Variants in MAG observed in about 807,000 individuals in gnomAD.
The protein encoded by MAG is myelin-associated glycoprotein.
In MAG, 30 loss-of-function variants were observed where a neutral mutation model predicts 60.7. That is an observed-to-expected ratio of 0.49 (90% CI 0.37 to 0.67). MAG has a LOEUF of 0.67. Among genes scored for constraint, MAG ranks in the 30% least tolerant of loss-of-function variants. MAG has a pLI of 0.00. For missense variants in MAG, 795 were observed against 851.7 expected, an observed-to-expected ratio of 0.93 and a Z score of 0.83; for synonymous variants, 384 against 376.8, an observed-to-expected ratio of 1.02 and a Z score of -0.22.
intron 4 of MAG, 33 bp from the exon 5 acceptor site, chr19:35,299,521 T>C (rs762224458): frequency 2.0e-5 from 30 of 1,506,248 alleles, no homozygotes; most frequent in Non-Finnish European, 2.6e-5. Context: ...CCAGTGCTGC[T>C]TTCTCAGCCC....
Position 35,295,916 on chromosome 19 carries a change from TC to T in MAG, c.352del (p.Arg118ValfsTer55). The stretch of plus-strand genomic sequence containing the variant: ...CCCGAGCTGGGCGGGAAGTACTACT[TC>T]CGTGGGGACCTGGGCGGCTACAACC... ...VSPELGGKYY[F>X]RGDLGGYNQY... On this transcript the variant is annotated frameshift_variant, in exon 4 of 11. Coordinates refer to ENST00000392213, the MANE Select transcript of MAG (RefSeq NM_002361.4). LOFTEE classifies it high-confidence loss of function. The surrounding 1 kb of genome is among the most constrained non-coding windows in gnomAD (Gnocchi z 5.8). 1 of 1,613,768 alleles carries T rather than the reference TC, an allele frequency of 6.2e-7. No individual in the cohort carries two copies. Among genetic ancestry groups the T allele is most frequent in the South Asian group, 1.1e-5 (1 of 91,046 alleles).
At position 35,312,036 on chromosome 19, in the gene MAG, G is replaced by C; in HGVS notation, c.1716+19G>C. 1 of 1,604,842 alleles carries C rather than the reference G, an allele frequency of 6.2e-7. No individual in the cohort carries two copies. Among genetic ancestry groups the C allele is most frequent in the Non-Finnish European group, 8.5e-7 (1 of 1,174,088 alleles). The stretch of plus-strand genomic sequence containing the variant: ...GTACGAGGTAAGGACCAGGCTCCAG[G>C]CTGGCCTGGGAACCTGGATGCCAGG... On this transcript the variant is annotated intron_variant, in intron 10 of 10. Coordinates refer to ENST00000392213, the MANE Select transcript of MAG (RefSeq NM_002361.4).
In MAG at chr19:35,294,891, C is replaced by CCA. The variant is rs375677401; in HGVS notation, c.-23-493_-23-492dup. 3.7e-3 allele frequency among the ~76,000 whole-genome samples: 566 copies of CCA among 152,264 alleles called. 3 individuals carry two copies. Among genetic ancestry groups the CCA allele is most frequent in the African/African-American group, 0.013 (546 of 41,536 alleles). ...CAGATTGAAGCTGCAGTTGAGTGAGCCACGATTGCACCACTGCATTCCAGG... is the reference window on the plus strand; with the variant it reads ...CAGATTGAAGCTGCAGTTGAGTGAGCCACACGATTGCACCACTGCATTCCAGG... On this transcript the variant is annotated intron_variant, in intron 2 of 10. Coordinates refer to ENST00000392213, the MANE Select transcript of MAG (RefSeq NM_002361.4).
At chr19:35,309,125 C>T (rs1016715027) in intron 7 of MAG, among the ~76,000 whole-genome samples, 3 of 152,124 alleles carry the variant, frequency 2.0e-5, no homozygotes, top group Non-Finnish European at 2.9e-5. Flanking sequence ...AGAAACGGCC[C>T]GTCCCTGTGA....
chr19:35,300,243 T>C lies in MAG; in HGVS notation c.809T>C (p.Leu270Pro). The part of the protein sequence containing the change: ...LCGADSNPPP[L>P]LTWMRDGTVL... ...GGGGCTGACAGCAACCCCCCGCCGC[T>C]GCTGACCTGGATGCGGGACGGGACA... Residue 270 changes from leucine (L) to proline (P), a missense_variant, in exon 6 of 11, where the codon CTG becomes CCG. Leu to Pro is a moderately conservative substitution (Grantham distance 98). Transcript: ENST00000392213. The C allele has an allele frequency of 6.3e-7, 1 of 1,591,568 alleles. No individual in the cohort carries two copies. The highest frequency in any genetic ancestry group is 8.5e-7 in the Non-Finnish European group (1 of 1,171,398).
In MAG at chr19:35,311,963, T is replaced by C. The variant is rs983693393; in HGVS notation, c.1662T>C (p.Pro554=). The change falls in exon 10 of 11, where the codon CCT becomes CCC. Residue 554 remains proline (P), a synonymous_variant. Transcript: ENST00000392213. ...CCAGCTTCTCGGCAGGGGACAACCC[T>C]CCCGTCCTGTTCAGCAGCGACTTCC... ...ESPSFSAGDN[P]PVLFSSDFRI... 2.5e-6 allele frequency: 4 copies of C among 1,613,280 alleles called. No individual in the cohort carries two copies. Among genetic ancestry groups the C allele is most frequent in the Non-Finnish European group, 3.4e-6 (4 of 1,179,698 alleles).
intron 9 of MAG, among the ~76,000 whole-genome samples, chr19:35,311,701 C>T (rs2066528152): frequency 6.6e-6 from 1 of 152,212 alleles, no homozygotes; most frequent in Non-Finnish European, 1.5e-5. Context: ...AACGGCAGAG[C>T]TCAGGGGCCA....
chr19:35,313,566 T>C lies in MAG; in HGVS notation c.*112T>C, dbSNP rs1240516062. 38 of 1,135,654 alleles carry C rather than the reference T, an allele frequency of 3.3e-5. No individual in the cohort carries two copies. Among genetic ancestry groups the C allele is most frequent in the Non-Finnish European group, 4.4e-5 (36 of 824,448 alleles). The allele number at this position is 1,135,654 out of a possible 1,614,324, so 70.3% of individuals were successfully genotyped here. ...ATCGGGGGCTGGGGCAGGAGGGGAG[T>C]GAGGCAGGTGACAGTGAGGTCCTGG... On this transcript the variant is annotated 3_prime_UTR_variant, in exon 11 of 11. Coordinates refer to ENST00000392213, the MANE Select transcript of MAG (RefSeq NM_002361.4).
chr19:35,312,512 T>G, intron 10 of MAG: 3 of 357,900 alleles, frequency 8.4e-6, no homozygotes, highest in Non-Finnish European at 1.1e-5. Context: ...CACCGTCCTG[T>G]GTGTCCAAAT....
At chr19:35,307,627 C>A (rs1309670130) in intron 7 of MAG, among the ~76,000 whole-genome samples, 1 of 152,170 alleles carries the variant, frequency 6.6e-6, no homozygotes, top group African/African-American at 2.4e-5. Flanking sequence ...GCAGAGGTTG[C>A]AGTGAGCAGA....
rs375040363 is a variant in MAG at position 35,292,470 on chromosome 19, G to A, written c.-80+266G>A. Among the ~76,000 whole-genome samples the A allele has an allele frequency of 3.8e-3, 575 of 152,214 alleles. 3 individuals are homozygous for A. The highest frequency in any genetic ancestry group is 0.013 in the African/African-American group (553 of 41,544). On this transcript the variant is annotated intron_variant, in intron 1 of 10. Coordinates refer to ENST00000392213, the MANE Select transcript of MAG (RefSeq NM_002361.4). ...ACCCCTTGTGGGTGAAGATTTTGCA[G>A]GAGAGGTTTCCTTGGGGTTCCCGAG...
chr19:35,302,854 C>T, intron 7 of MAG, 146 bp downstream of exon 7: 1 of 941,350 alleles, frequency 1.1e-6, no homozygotes, highest in Non-Finnish European at 1.6e-6. Context: ...AAGCTGAATT[C>T]ACAGCAGGAA....
chr19:35,304,506 C>T (rs1488878118), intron 7 of MAG, among the ~76,000 whole-genome samples: 1 of 152,138 alleles, frequency 6.6e-6, no homozygotes, highest in Non-Finnish European at 1.5e-5. Flanking sequence ...GAATCCTCTA[C>T]AGCTGTTTTC....
intron 7 of MAG, among the ~76,000 whole-genome samples, chr19:35,307,099 T>C (rs994845177): frequency 5.3e-5 from 8 of 152,256 alleles, no homozygotes; most frequent in African/African-American, 1.9e-4. Flanking sequence ...TGGGGCTGTC[T>C]TGAGTGGAAG....
chr19:35,302,444 G>T lies in MAG; in HGVS notation c.971-4G>T. On this transcript the variant is annotated splice_region_variant and splice_polypyrimidine_tract_variant and intron_variant, in intron 6 of 10. Coordinates refer to ENST00000392213, the MANE Select transcript of MAG (RefSeq NM_002361.4). ...CTGACCATCAGTCCCGTCCTACCCC[G>T]CAGATGCACCCTGGAAGCCAACAGT... 1 of 1,613,916 alleles carries T rather than the reference G, an allele frequency of 6.2e-7. No homozygotes were observed. Among genetic ancestry groups the T allele is most frequent in the African/African-American group, 1.3e-5 (1 of 75,002 alleles).
Position 35,302,617 on chromosome 19 carries a change from G to T in MAG, c.1140G>T (p.Pro380=). ...IYESELQLEL[P]AVSPEDDGEY... is the part of the protein sequence containing the mutation. ...AGAGCGAGCTGCAGCTGGAGCTGCC[G>T]GCCGTGTCACCCGAGGATGATGGAG... The change falls in exon 7 of 11, where the codon CCG becomes CCT. Residue 380 remains proline, a synonymous_variant. Transcript: ENST00000392213. 1.2e-6 allele frequency: 2 copies of T among 1,614,170 alleles called. No homozygotes were observed. Among genetic ancestry groups the T allele is most frequent in the Non-Finnish European group, 1.7e-6 (2 of 1,180,038 alleles).
intron 10 of MAG, chr19:35,312,428 G>T: frequency 9.3e-7 from 1 of 1,077,218 alleles, no homozygotes. Context: ...GGTGGTCTCT[G>T]GTGATGTCCG....
intron 7 of MAG, 37 bp downstream of exon 7, chr19:35,302,745 G>A (rs575786963): frequency 4.4e-6 from 7 of 1,600,684 alleles, no homozygotes; most frequent in East Asian, 2.2e-5. Context: ...GGGGATGGAC[G>A]GTTCCGTGGG....
intron 7 of MAG, among the ~76,000 whole-genome samples, chr19:35,307,314 C>G (rs1366310049): frequency 6.6e-6 from 1 of 152,158 alleles, no homozygotes; most frequent in African/African-American, 2.4e-5. Context: ...GGTCCACCAC[C>G]GTTACCGGCA....
Sources: gnomAD v4.1 joint callset for allele counts (sites outside exome capture counted in the v4.1 genomes callset) on GRCh38, gnomAD v4.1.1 for gene constraint, Gnocchi (gnomAD v3.1) non-coding constraint, MANE v1.5 for transcripts, NCBI Gene and HGNC (gene_info 2026-07-23, HGNC 2026-07-21) for gene names.